The following SGMS1 variants were observed in gnomAD, a reference collection of about 807,000 sequenced individuals.
SGMS1 encodes the protein phosphatidylcholine:ceramide cholinephosphotransferase 1.
Under a neutral mutation model 46.2 loss-of-function variants are expected in SGMS1, and 13 were observed. The ratio of observed to expected loss-of-function variants is 0.28; its 90% CI spans 0.18 to 0.45. The LOEUF (loss-of-function observed/expected upper bound fraction) is 0.45. SGMS1 is among the 20% of genes least tolerant of loss of function. The probability of loss-of-function intolerance (pLI) is 1.00; values close to 1 mark genes in which losing one functional copy is unlikely to be tolerated. For missense variants in SGMS1, 324 were observed against 519.9 expected, an observed-to-expected ratio of 0.62 and a Z score of 3.66; for synonymous variants, 203 against 187.8, an observed-to-expected ratio of 1.08 and a Z score of -0.66.
chr10:50,513,520 T>A (rs1172623261), intron 3 of SGMS1, among the ~76,000 whole-genome samples: 1 of 152,136 alleles, frequency 6.6e-6, no homozygotes, highest in Admixed American at 6.6e-5. Flanking sequence ...CACTCCCAGG[T>A]GTGAATGACA....
chr10:50,523,826 T>C (rs1219969725), intron 2 of SGMS1, among the ~76,000 whole-genome samples: 2 of 152,242 alleles, frequency 1.3e-5, no homozygotes, highest in Non-Finnish European at 2.9e-5. Context: ...AAAAGATGAT[T>C]TTGTAATCAC....
At chr10:50,327,131 C>A in intron 8 of SGMS1, 74 bp downstream of exon 8, 4 of 840,728 alleles carry the variant, frequency 4.8e-6, no homozygotes, top group Non-Finnish European at 8.0e-6. Context: ...CGTTTTCCTG[C>A]AACCTCACTC....
chr10:50,592,418 A>G (rs1403100948), intron 1 of SGMS1, among the ~76,000 whole-genome samples: 4 of 152,154 alleles, frequency 2.6e-5, no homozygotes, highest in African/African-American at 9.7e-5. Flanking sequence ...GGTGAGTAGC[A>G]AGGGGTGGAC....
intron 6 of SGMS1, among the ~76,000 whole-genome samples, chr10:50,354,510 C>A (rs552581753): frequency 5.9e-5 from 9 of 152,124 alleles, no homozygotes; most frequent in South Asian, 2.1e-4. Context: ...CTAGGCAATA[C>A]CATTCAGGAC....
At chr10:50,426,460 T>A (rs1849328192) in intron 6 of SGMS1, among the ~76,000 whole-genome samples, 1 of 152,178 alleles carries the variant, frequency 6.6e-6, no homozygotes, top group Non-Finnish European at 1.5e-5. Context: ...ATTAAAGTCA[T>A]ACCCATGAAG....
chr10:50,358,040 G>C (rs1848182918), intron 6 of SGMS1, among the ~76,000 whole-genome samples: 1 of 152,170 alleles, frequency 6.6e-6, no homozygotes, highest in African/African-American at 2.4e-5. Context: ...AAAACTTTGG[G>C]AGGCCAAGGT....
chr10:50,334,166 AC>A (rs957434268), intron 7 of SGMS1, among the ~76,000 whole-genome samples: 1 of 152,236 alleles, frequency 6.6e-6, no homozygotes, highest in African/African-American at 2.4e-5. Flanking sequence ...TAAGACATGA[AC>A]AAAAACATCA....
intron 2 of SGMS1, among the ~76,000 whole-genome samples, chr10:50,532,959 G>A (rs1319708616): frequency 1.3e-5 from 2 of 152,180 alleles, no homozygotes; most frequent in East Asian, 1.9e-4. Flanking sequence ...AACAGTAATA[G>A]TAAGGCATGA....
chr10:50,385,853 C>T (rs1238987591), intron 6 of SGMS1, among the ~76,000 whole-genome samples: 1 of 152,142 alleles, frequency 6.6e-6, no homozygotes, highest in African/African-American at 2.4e-5. Context: ...TGATTTCTAG[C>T]ACATTAACCA....
chr10:50,446,366 C>T (rs977862072), intron 5 of SGMS1, among the ~76,000 whole-genome samples: 36 of 152,246 alleles, frequency 2.4e-4, no homozygotes, highest in South Asian at 8.3e-4. Context: ...TAAAATTTCT[C>T]CCTTTTGTAT....
chr10:50,486,363 C>G (rs2133729851), intron 3 of SGMS1, among the ~76,000 whole-genome samples: 1 of 152,264 alleles, frequency 6.6e-6, no homozygotes, highest in Middle Eastern at 3.4e-3. Context: ...AAAGTATCAT[C>G]AGAGCAAACA....
intron 6 of SGMS1, among the ~76,000 whole-genome samples, chr10:50,400,455 C>T (rs1010969226): frequency 9.3e-5 from 7 of 75,382 alleles, no homozygotes; most frequent in African/African-American, 5.0e-5. Context: ...ATATATATAG[C>T]TATTTTTTTT....
intron 5 of SGMS1, among the ~76,000 whole-genome samples, chr10:50,439,527 C>A (rs765069145): frequency 2.0e-5 from 3 of 152,104 alleles, no homozygotes; most frequent in Admixed American, 2.0e-4. Context: ...TATAATCAGA[C>A]CTACCAAACT....
chr10:50,449,480 A>C (rs1218625603), intron 5 of SGMS1, among the ~76,000 whole-genome samples: 2 of 152,148 alleles, frequency 1.3e-5, no homozygotes, highest in Admixed American at 6.5e-5. Flanking sequence ...CTGCAAAATA[A>C]AAAAAGTATC....
intron 9 of SGMS1, among the ~76,000 whole-genome samples, chr10:50,309,425 T>C (rs533221506): frequency 2.6e-5 from 4 of 152,214 alleles, no homozygotes; most frequent in South Asian, 4.1e-4. Context: ...CCCAGGGTCA[T>C]AGAGCTAGTA....
intron 6 of SGMS1, among the ~76,000 whole-genome samples, chr10:50,416,172 C>G (rs1229739869): frequency 6.6e-6 from 1 of 152,174 alleles, no homozygotes; most frequent in East Asian, 1.9e-4. Flanking sequence ...GAACCAAGAA[C>G]CTCCTCTGGA....
At chr10:50,498,196 T>C (rs1837631493) in intron 3 of SGMS1, among the ~76,000 whole-genome samples, 1 of 152,210 alleles carries the variant, frequency 6.6e-6, no homozygotes, top group Non-Finnish European at 1.5e-5. Flanking sequence ...GAGGGGATCA[T>C]GGTAACTTAA....
At chr10:50,451,096 T>C (rs1216896991) in intron 5 of SGMS1, among the ~76,000 whole-genome samples, 2 of 152,138 alleles carry the variant, frequency 1.3e-5, no homozygotes, top group Non-Finnish European at 2.9e-5. Context: ...TTATAATTAT[T>C]AAAAAATGAT....
chr10:50,393,388 G>GA (rs1848804013), intron 6 of SGMS1, among the ~76,000 whole-genome samples: 1 of 152,128 alleles, frequency 6.6e-6, no homozygotes, highest in African/African-American at 2.4e-5. Flanking sequence ...TGACGCACAA[G>GA]AATGACTCAC....
Sources: gnomAD v4.1 joint callset for allele counts (sites outside exome capture counted in the v4.1 genomes callset) on GRCh38, gnomAD v4.1.1 for gene constraint, MANE v1.5 for transcripts, NCBI Gene and HGNC (gene_info 2026-07-23, HGNC 2026-07-21) for gene names.